Variants in KCNIP3 observed in about 807,000 individuals in gnomAD.
KCNIP3 encodes the protein potassium voltage-gated channel interacting protein 3.
Under a neutral mutation model 35.0 loss-of-function variants are expected in KCNIP3, and 28 were observed. The ratio of observed to expected loss-of-function variants is 0.80; its 90% CI spans 0.59 to 1.10. The LOEUF (loss-of-function observed/expected upper bound fraction) is 1.10, where lower values mean the gene tolerates loss of function less well. Among genes scored for constraint, KCNIP3 ranks in the 50% least tolerant of loss-of-function variants. The probability of loss-of-function intolerance (pLI) is 0.00; values close to 1 mark genes in which losing one functional copy is unlikely to be tolerated. For synonymous variants in KCNIP3, 134 were observed against 133.8 expected (o/e 1.00, Z -0.01); for missense variants, 295 against 338.4 (o/e 0.87, Z 1.01).
At chr2:95,328,777 G>A (rs1678852962) in intron 2 of KCNIP3, among the ~76,000 whole-genome samples, 1 of 152,274 alleles carries the variant, frequency 6.6e-6, no homozygotes. Context: ...CCAGACTCTT[G>A]GGGTGGGGAA....
chr2:95,347,015 T>C, intron 2 of KCNIP3: 1 of 1,602,314 alleles, frequency 6.2e-7, no homozygotes, highest in South Asian at 1.1e-5. Context: ...GCAGCCCGGC[T>C]TGCCATGGGC....
intron 2 of KCNIP3, among the ~76,000 whole-genome samples, chr2:95,334,115 G>A (rs574612315): frequency 6.8e-4 from 103 of 152,362 alleles, no homozygotes; most frequent in Non-Finnish European, 1.1e-3. Context: ...TGTGACTTGA[G>A]AACACTTTGC....
At chr2:95,299,795 G>T (rs1677974945) in intron 1 of KCNIP3, among the ~76,000 whole-genome samples, 1 of 152,252 alleles carries the variant, frequency 6.6e-6, no homozygotes, top group Admixed American at 6.5e-5. Context: ...ACCCCAGGCT[G>T]CACTGGGAAG....
At chr2:95,304,662 G>A (rs561198243) in intron 1 of KCNIP3, among the ~76,000 whole-genome samples, 11 of 152,212 alleles carry the variant, frequency 7.2e-5, no homozygotes, top group Non-Finnish European at 1.3e-4. Flanking sequence ...CGGATTTGGG[G>A]CTCAGTTGGG....
chr2:95,339,643 G>A (rs1438036764), intron 2 of KCNIP3, among the ~76,000 whole-genome samples: 1 of 151,798 alleles, frequency 6.6e-6, no homozygotes, highest in Non-Finnish European at 1.5e-5. Context: ...CTGTAATAGT[G>A]AGACCCCCAA....
At chr2:95,357,366 G>GATCCCT (rs1179409312) in intron 2 of KCNIP3, among the ~76,000 whole-genome samples, 3 of 152,192 alleles carry the variant, frequency 2.0e-5, no homozygotes, top group Non-Finnish European at 4.4e-5. Context: ...CCCGGCCTGG[G>GATCCCT]ACAGGGGTAG....
chr2:95,371,806 CTTTT>C (rs71831118), intron 2 of KCNIP3, among the ~76,000 whole-genome samples: 2 of 136,354 alleles, frequency 1.5e-5, no homozygotes, highest in Admixed American at 7.5e-5. Flanking sequence ...TATTTTAAAT[CTTTT>C]TTTTTTTTTT....
chr2:95,320,886 GCC>G (rs1678576790), intron 2 of KCNIP3, among the ~76,000 whole-genome samples: 1 of 57,878 alleles, frequency 1.7e-5, no homozygotes, highest in Non-Finnish European at 3.6e-5. Context: ...TCTCCTCCCC[GCC>G]CCCCTCGGCC....
chr2:95,379,752 G>C (rs1177647984), intron 5 of KCNIP3, among the ~76,000 whole-genome samples: 1 of 152,202 alleles, frequency 6.6e-6, no homozygotes, highest in Non-Finnish European at 1.5e-5. Flanking sequence ...TGCCTCAGGC[G>C]CTGCTGCAGA....
At chr2:95,370,341 T>C (rs1680014081) in intron 2 of KCNIP3, among the ~76,000 whole-genome samples, 1 of 152,270 alleles carries the variant, frequency 6.6e-6, no homozygotes. Context: ...TAGGTTTGTT[T>C]TGACTTTGTC....
intron 2 of KCNIP3, among the ~76,000 whole-genome samples, chr2:95,357,746 A>G (rs752416531): frequency 2.6e-5 from 4 of 152,212 alleles, no homozygotes; most frequent in African/African-American, 9.6e-5. Flanking sequence ...CAGGAAGGCC[A>G]TGAGTGTTCC....
intron 2 of KCNIP3, among the ~76,000 whole-genome samples, chr2:95,314,859 C>T (rs1325519708): frequency 6.6e-6 from 1 of 152,216 alleles, no homozygotes; most frequent in Non-Finnish European, 1.5e-5. Flanking sequence ...TGCGTGTTTT[C>T]CCGGGCTCCG....
chr2:95,321,143 G>A (rs1678587085), intron 2 of KCNIP3, among the ~76,000 whole-genome samples: 1 of 150,634 alleles, frequency 6.6e-6, no homozygotes, highest in African/African-American at 2.4e-5. Flanking sequence ...GGAAGTCTAG[G>A]CCCTTTCCTC....
At chr2:95,338,303 A>T (rs1679111492) in intron 2 of KCNIP3, among the ~76,000 whole-genome samples, 1 of 152,196 alleles carries the variant, frequency 6.6e-6, no homozygotes. Context: ...AGAACACCTA[A>T]TTATGGCGAC....
intron 2 of KCNIP3, among the ~76,000 whole-genome samples, chr2:95,320,491 T>C (rs1678566701): frequency 6.6e-6 from 1 of 152,006 alleles, no homozygotes; most frequent in South Asian, 2.1e-4. Context: ...CCGCCACCCC[T>C]CAGCAGCCCC....
chr2:95,378,079 A>G lies in KCNIP3; in HGVS notation c.447+2871A>G, dbSNP rs571484282. Among the ~76,000 whole-genome samples, 1 of 152,338 alleles carries G rather than the reference A, an allele frequency of 6.6e-6. No individual in the cohort carries two copies. Among genetic ancestry groups the G allele is most frequent in the South Asian group, 2.1e-4 (1 of 4,824 alleles). ...AAACCATGCCCAAGCTTCAGTGATT[A>G]TTATTCCCTAAACTTGGGCATAGTA... is the stretch of plus-strand genomic sequence containing the variant. On this transcript the variant is annotated intron_variant, in intron 5 of 8. Transcript: ENST00000295225. The surrounding 1 kb of genome is among the most constrained non-coding windows in gnomAD (Gnocchi z 4.0).
At chr2:95,306,788 G>T (rs1678184202) in intron 1 of KCNIP3, among the ~76,000 whole-genome samples, 2 of 152,188 alleles carry the variant, frequency 1.3e-5, no homozygotes, top group South Asian at 4.1e-4. Flanking sequence ...CCAAGGCACT[G>T]TGGGGTGAGG....
In KCNIP3 at chr2:95,370,848, C is replaced by G. The variant is rs140490590; in HGVS notation, c.182-3448C>G. Among the ~76,000 whole-genome samples the G allele has an allele frequency of 1.1e-3, 167 of 152,136 alleles. 2 individuals are homozygous for G. In the East Asian group the frequency reaches 0.014, roughly 12 times the overall value. ...GATCTCTGCTCACTGCAATCTCCAA[C>G]CTCCTGGGCTCAAGCGATTCTCATG... is the stretch of plus-strand genomic sequence containing the variant. On this transcript the variant is annotated intron_variant, in intron 2 of 8. Coordinates refer to ENST00000295225, the MANE Select transcript of KCNIP3 (RefSeq NM_013434.5).
intron 2 of KCNIP3, among the ~76,000 whole-genome samples, chr2:95,314,516 G>T (rs1253456953): frequency 5.9e-5 from 9 of 152,218 alleles, no homozygotes; most frequent in Non-Finnish European, 1.2e-4. Flanking sequence ...CATTGGGGTT[G>T]CTAGAAGCCC....
Sources: gnomAD v4.1 joint callset for allele counts (sites outside exome capture counted in the v4.1 genomes callset) on GRCh38, gnomAD v4.1.1 for gene constraint, Gnocchi (gnomAD v3.1) non-coding constraint, MANE v1.5 for transcripts, NCBI Gene and HGNC (gene_info 2026-07-23, HGNC 2026-07-21) for gene names.